The following DCDC2 variants were observed in gnomAD, a reference collection of about 807,000 sequenced individuals.
The protein encoded by DCDC2 is doublecortin domain-containing protein 2.
A neutral mutation model predicts 50.2 loss-of-function variants in DCDC2; 40 were observed. The ratio of observed to expected loss-of-function variants is 0.80; its 90% CI spans 0.62 to 1.04. The LOEUF (loss-of-function observed/expected upper bound fraction) is 1.04. Ranked by LOEUF, DCDC2 falls within the 50% of genes least tolerant of loss-of-function variation. The pLI is 0.00. For missense variants in DCDC2, 570 were observed against 581.9 expected, an observed-to-expected ratio of 0.98 and a Z score of 0.21; for synonymous variants, 234 against 210.6, an observed-to-expected ratio of 1.11 and a Z score of -0.96.
At chr6:24,372,139 A>AAATC in the DCDC2 span, among the ~76,000 whole-genome samples, 1 of 152,216 alleles carries the variant, frequency 6.6e-6, no homozygotes, top group Non-Finnish European at 1.5e-5. Context: ...AAAGGATTAT[A>AAATC]GGCCGGGCGC....
chr6:24,205,226 T>C (rs1051169052), intron 7 of DCDC2, 124 bp from the exon 8 acceptor site: 1 of 1,605,788 alleles, frequency 6.2e-7, no homozygotes, highest in Admixed American at 1.7e-5. Context: ...GTTGATAGTA[T>C]TTTTGTGCAC....
At chr6:24,249,643 C>T (rs2113797853) in intron 7 of DCDC2, among the ~76,000 whole-genome samples, 1 of 152,260 alleles carries the variant, frequency 6.6e-6, no homozygotes, top group African/African-American at 2.4e-5. Context: ...AAAATAAAAA[C>T]ATTAAGAGAT....
At chr6:24,219,635 G>A (rs1362104705) in intron 7 of DCDC2, among the ~76,000 whole-genome samples, 2 of 152,158 alleles carry the variant, frequency 1.3e-5, no homozygotes, top group Non-Finnish European at 2.9e-5. Flanking sequence ...GTGGGTATAC[G>A]ACCTGTGCGG....
chr6:24,219,852 C>G (rs925661016), intron 7 of DCDC2, among the ~76,000 whole-genome samples: 2 of 152,214 alleles, frequency 1.3e-5, no homozygotes, highest in African/African-American at 4.8e-5. Context: ...AGGTCAGCAT[C>G]TGAACAAGGG....
intron 7 of DCDC2, among the ~76,000 whole-genome samples, chr6:24,254,521 T>C (rs546310128): frequency 1.3e-5 from 2 of 152,262 alleles, no homozygotes; most frequent in South Asian, 2.1e-4. Flanking sequence ...GTAATCTTAT[T>C]GGGCCACTGT....
intron 2 of DCDC2, among the ~76,000 whole-genome samples, chr6:24,330,871 C>T (rs886724126): frequency 6.6e-6 from 1 of 152,116 alleles, no homozygotes; most frequent in Non-Finnish European, 1.5e-5. Flanking sequence ...GCCAAAAAGG[C>T]TTAAATTGCA....
intron 4 of DCDC2, among the ~76,000 whole-genome samples, chr6:24,298,589 C>G (rs1208398943): frequency 3.3e-5 from 5 of 152,176 alleles, no homozygotes; most frequent in Non-Finnish European, 2.9e-5. Flanking sequence ...GAAACACTAC[C>G]TACCTCATAG....
Position 24,277,772 on chromosome 6 carries a change from A to G in DCDC2, c.922+277T>C, listed in dbSNP as rs807726. 0.71 allele frequency among the ~76,000 whole-genome samples: 108,467 copies of G among 151,780 alleles called. 40,352 individuals carry two copies. Among genetic ancestry groups the G allele is most frequent in the East Asian group, 0.95 (4,907 of 5,160 alleles). On this transcript the variant is annotated intron_variant, in intron 7 of 9. Coordinates refer to ENST00000378454, the MANE Select transcript of DCDC2 (RefSeq NM_016356.5). The stretch of plus-strand genomic sequence containing the variant: ...TGTAGGTAAAAATATTAATCAAGCA[A>G]TATCAGTGGGAGCAGAGGATGAAAA...
At chr6:24,330,759 T>A (rs1416706718) in intron 2 of DCDC2, among the ~76,000 whole-genome samples, 1 of 152,142 alleles carries the variant, frequency 6.6e-6, no homozygotes, top group Non-Finnish European at 1.5e-5. Context: ...GGGAATGATG[T>A]TTGAAACTGA....
intron 7 of DCDC2, among the ~76,000 whole-genome samples, chr6:24,239,565 G>A (rs1437690869): frequency 6.6e-6 from 1 of 152,106 alleles, no homozygotes; most frequent in Non-Finnish European, 1.5e-5. Context: ...GCCACATTAG[G>A]TCCAGGAGTG....
At chr6:24,377,181 G>A in the DCDC2 span, among the ~76,000 whole-genome samples, 8 of 152,192 alleles carry the variant, frequency 5.3e-5, no homozygotes. Context: ...ACAGTCCGCT[G>A]GGAACAAAAC....
At chr6:24,258,281 G>C (rs1244091599) in intron 7 of DCDC2, among the ~76,000 whole-genome samples, 2 of 152,106 alleles carry the variant, frequency 1.3e-5, no homozygotes, top group Non-Finnish European at 2.9e-5. Flanking sequence ...GGGGCGGGGG[G>C]TGGCCAGCTT....
At chr6:24,185,700 C>T (rs921949486) in intron 8 of DCDC2, among the ~76,000 whole-genome samples, 11 of 83,386 alleles carry the variant, frequency 1.3e-4, no homozygotes, top group African/African-American at 4.4e-4. Flanking sequence ...CACACACACA[C>T]ACACACACAC....
the DCDC2 span, among the ~76,000 whole-genome samples, chr6:24,369,005 G>A: frequency 2.3e-4 from 35 of 151,942 alleles, 1 homozygote; most frequent in Non-Finnish European, 2.8e-4. Context: ...GCAGTGGCGC[G>A]TGCCTGTAAT....
At chr6:24,182,229 A>G (rs1234569522) in intron 8 of DCDC2, among the ~76,000 whole-genome samples, 1 of 152,214 alleles carries the variant, frequency 6.6e-6, no homozygotes, top group Non-Finnish European at 1.5e-5. Context: ...ACATAAGGCA[A>G]AAGCTTTTTG....
intron 2 of DCDC2, among the ~76,000 whole-genome samples, chr6:24,315,257 C>T (rs1400415947): frequency 6.6e-6 from 1 of 151,716 alleles, no homozygotes; most frequent in Non-Finnish European, 1.5e-5. Context: ...GCACTTACAC[C>T]TTAAGGAACC....
chr6:24,189,974 A>G lies in DCDC2; in HGVS notation c.1024-11342T>C, dbSNP rs117904285. On this transcript the variant is annotated intron_variant, in intron 8 of 9. Transcript: ENST00000378454. Reference sequence around the variant, plus strand: ...CCCATGGAAACTAAAATCATCTCCTATCCAAGTTGAATGAGGTGTTTTGAA... The same window carrying G: ...CCCATGGAAACTAAAATCATCTCCTGTCCAAGTTGAATGAGGTGTTTTGAA... Among the ~76,000 whole-genome samples the G allele has an allele frequency of 2.3e-3, 356 of 151,988 alleles. 5 individuals are homozygous for G. The highest frequency in any genetic ancestry group is 0.021 in the Admixed American group (326 of 15,250).
chr6:24,203,411 G>A (rs1304013489), intron 8 of DCDC2, among the ~76,000 whole-genome samples: 2 of 152,274 alleles, frequency 1.3e-5, no homozygotes, highest in East Asian at 1.9e-4. Context: ...AATAAATGGC[G>A]TTGGGAAAAC....
chr6:24,258,353 T>G (rs1762938274), intron 7 of DCDC2, among the ~76,000 whole-genome samples: 1 of 152,176 alleles, frequency 6.6e-6, no homozygotes, highest in Non-Finnish European at 1.5e-5. Flanking sequence ...GAGCACTGAT[T>G]GGTCCACTTT....
Sources: gnomAD v4.1 joint callset for allele counts (sites outside exome capture counted in the v4.1 genomes callset) on GRCh38, gnomAD v4.1.1 for gene constraint, MANE v1.5 for transcripts, NCBI Gene and HGNC (gene_info 2026-07-23, HGNC 2026-07-21) for gene names.